Variants in PIWIL2 observed in about 807,000 individuals in gnomAD.
PIWIL2 encodes the protein piwi like RNA-mediated gene silencing 2, also known as piwi-like protein 2.
In PIWIL2, 81 loss-of-function variants were observed where a neutral mutation model predicts 116.5. The observed-to-expected ratio is 0.70, with a 90% CI of 0.58 to 0.84. The LOEUF (loss-of-function observed/expected upper bound fraction) is 0.84, where lower values mean the gene tolerates loss of function less well. PIWIL2 is among the 40% of genes least tolerant of loss of function. PIWIL2 has a pLI of 0.00. For synonymous variants in PIWIL2, 489 were observed against 429.5 expected (o/e 1.14, Z -1.71); for missense variants, 1,272 against 1,212.3 (o/e 1.05, Z -0.73).
intron 10 of PIWIL2, among the ~76,000 whole-genome samples, chr8:22,302,146 T>G (rs560925676): frequency 1.7e-4 from 26 of 152,274 alleles, no homozygotes; most frequent in Middle Eastern, 3.4e-3. Flanking sequence ...TTCTTTCTGT[T>G]TAATACATTT....
intron 16 of PIWIL2, 23 bp from the exon 17 acceptor site, chr8:22,314,305 T>G (rs1831400351): frequency 7.6e-7 from 1 of 1,318,102 alleles, no homozygotes; most frequent in Non-Finnish European, 1.0e-6. Context: ...CAGCCTGACT[T>G]GTATATACCT....
intron 20 of PIWIL2, among the ~76,000 whole-genome samples, chr8:22,348,662 G>A (rs1832282816): frequency 6.6e-6 from 1 of 152,168 alleles, no homozygotes; most frequent in African/African-American, 2.4e-5. Context: ...TCCCAGCTAT[G>A]CTTATAGTCC....
At chr8:22,288,399 G>A (rs1830679776) in intron 7 of PIWIL2, 143 bp from the exon 8 acceptor site, 8 of 513,516 alleles carry the variant, frequency 1.6e-5, no homozygotes, top group Non-Finnish European at 2.7e-5. Flanking sequence ...TTTTGCTAGT[G>A]TGGGCAACAA....
At chr8:22,332,860 C>T (rs1006471705) in intron 20 of PIWIL2, among the ~76,000 whole-genome samples, 2 of 152,056 alleles carry the variant, frequency 1.3e-5, no homozygotes, top group Non-Finnish European at 2.9e-5. Flanking sequence ...CTAGAAGGAA[C>T]ATGATCCCAG....
At chr8:22,307,579 C>T (rs529333336) in intron 13 of PIWIL2, among the ~76,000 whole-genome samples, 77 of 146,968 alleles carry the variant, frequency 5.2e-4, no homozygotes, top group African/African-American at 1.7e-3. Context: ...ATCCCTTGGG[C>T]TCAAGTGATC....
intron 8 of PIWIL2, among the ~76,000 whole-genome samples, chr8:22,289,528 C>T (rs1051958582): frequency 6.6e-6 from 1 of 152,216 alleles, no homozygotes; most frequent in South Asian, 2.1e-4. Flanking sequence ...GTTATTCACA[C>T]ACTTAGCAAT....
chr8:22,352,881 A>G, intron 20 of PIWIL2, 78 bp from the exon 21 acceptor site: 1 of 1,411,474 alleles, frequency 7.1e-7, no homozygotes, highest in South Asian at 1.3e-5. Flanking sequence ...AGGCTACACA[A>G]TGCGAGTGGG....
chr8:22,314,987 G>A (rs1164683561), intron 17 of PIWIL2, 42 bp from the exon 18 acceptor site: 2 of 1,073,768 alleles, frequency 1.9e-6, no homozygotes, highest in Admixed American at 3.5e-5. Context: ...GAGGTTGATA[G>A]TGACCTGCTT....
chr8:22,291,681 G>C (rs888308799), intron 10 of PIWIL2, among the ~76,000 whole-genome samples: 14 of 152,086 alleles, frequency 9.2e-5, no homozygotes, highest in Non-Finnish European at 1.6e-4. Context: ...TACAACCACT[G>C]GGTGTTATCG....
chr8:22,283,720 A>G (rs1308481276), intron 5 of PIWIL2, among the ~76,000 whole-genome samples: 3 of 152,166 alleles, frequency 2.0e-5, no homozygotes, highest in Admixed American at 2.0e-4. Context: ...AGGTGGGACA[A>G]TTTCTGAAGT....
At chr8:22,312,284 G>T (rs950106805) in intron 16 of PIWIL2, among the ~76,000 whole-genome samples, 1 of 137,840 alleles carries the variant, frequency 7.3e-6, no homozygotes, top group Non-Finnish European at 1.6e-5. Flanking sequence ...AAAAAAAAAT[G>T]AGATAGGATT....
intron 16 of PIWIL2, among the ~76,000 whole-genome samples, chr8:22,312,329 A>G (rs1586568082): frequency 6.6e-6 from 1 of 151,800 alleles, no homozygotes; most frequent in Admixed American, 6.6e-5. Context: ...CACTGGTGCG[A>G]TCTTAGCTCA....
chr8:22,328,027 TC>T (rs1831767557), intron 20 of PIWIL2, among the ~76,000 whole-genome samples: 1 of 152,134 alleles, frequency 6.6e-6, no homozygotes, highest in African/African-American at 2.4e-5. Flanking sequence ...CATTGCCAAA[TC>T]CAAGGTCATA....
intron 20 of PIWIL2, among the ~76,000 whole-genome samples, chr8:22,351,440 C>CATATATATATATATATATATATATATAT (rs71544885): frequency 3.8e-5 from 2 of 52,930 alleles, no homozygotes; most frequent in African/African-American, 5.6e-5. Context: ...TGCATACATA[C>CATATATATATATATATATATATATATAT]ATATATATAT....
At chr8:22,292,601 G>C (rs1830791064) in intron 10 of PIWIL2, among the ~76,000 whole-genome samples, 1 of 152,192 alleles carries the variant, frequency 6.6e-6, no homozygotes. Context: ...ACTTAATATA[G>C]GGCTTAGCAC....
At chr8:22,350,573 G>A (rs983480456) in intron 20 of PIWIL2, among the ~76,000 whole-genome samples, 1 of 152,060 alleles carries the variant, frequency 6.6e-6, no homozygotes, top group Non-Finnish European at 1.5e-5. Context: ...CTGCAGCCTC[G>A]GCAAGAGCAT....
chr8:22,326,657 T>C (rs1429463536), intron 20 of PIWIL2, among the ~76,000 whole-genome samples: 3 of 152,244 alleles, frequency 2.0e-5, no homozygotes, highest in African/African-American at 7.2e-5. Context: ...ATCTGTGTTG[T>C]AGCATATATT....
chr8:22,301,609 A>G (rs767271363), intron 10 of PIWIL2, among the ~76,000 whole-genome samples: 1 of 152,178 alleles, frequency 6.6e-6, no homozygotes, highest in Non-Finnish European at 1.5e-5. Context: ...GTCTCTTTTA[A>G]GGAGTAGACA....
intron 22 of PIWIL2, among the ~76,000 whole-genome samples, chr8:22,354,845 G>A (rs1386103594): frequency 4.6e-5 from 7 of 152,276 alleles, no homozygotes; most frequent in Non-Finnish European, 2.9e-5. Flanking sequence ...TGAGGCAGGC[G>A]GATCACCTGA....
Sources: allele counts gnomAD v4.1 joint callset (sites outside exome capture counted in the v4.1 genomes callset), GRCh38; gene constraint gnomAD v4.1.1; transcripts MANE v1.5; gene names NCBI Gene and HGNC (gene_info 2026-07-23, HGNC 2026-07-21).